Variants in PCDHA11 observed in about 807,000 individuals in gnomAD.
PCDHA11 encodes protocadherin alpha 11.
PCDHA11 carries 61 observed loss-of-function variants against 70.3 expected under a neutral mutation model. The ratio of observed to expected loss-of-function variants is 0.87; its 90% CI spans 0.71 to 1.07. The LOEUF is 1.07. PCDHA11 is among the 50% of genes least tolerant of loss of function. PCDHA11 has a pLI of 0.00. For missense variants in PCDHA11, 1,324 were observed against 1,237.5 expected, an observed-to-expected ratio of 1.07 and a Z score of -1.05; for synonymous variants, 633 against 555.1, an observed-to-expected ratio of 1.14 and a Z score of -1.97.
chr5:140,870,013 A>C lies in PCDHA11; in HGVS notation c.910A>C (p.Asn304His). The C allele has an allele frequency of 6.2e-7, 1 of 1,613,716 alleles. No individual in the cohort carries two copies. The highest frequency in any genetic ancestry group is 8.5e-7 in the Non-Finnish European group (1 of 1,179,862). ...TCAAAATAATGGAGAAGTGAGGGTC[A>C]ATGGAACTTTAGATTATGAAGAAAA... ...LDQNNGEVRV[N>H]GTLDYEENKF... The change falls in exon 1 of 4, where the codon AAT (asparagine) becomes CAT (histidine). Residue 304 changes from asparagine (N) to histidine (H), a missense_variant. Asn to His is a moderately conservative substitution (Grantham distance 68). Coordinates refer to ENST00000398640, the MANE Select transcript of PCDHA11 (RefSeq NM_018902.5).
chr5:140,871,269 G>T lies in PCDHA11; in HGVS notation c.2166G>T (p.Trp722Cys). Residue 722 changes from tryptophan (W) to cysteine (C), a missense_variant, in exon 1 of 4, where the codon TGG (tryptophan) becomes TGT (cysteine). Coordinates refer to ENST00000398640, the MANE Select transcript of PCDHA11 (RefSeq NM_018902.5). ...LTLLLYTALW[W>C]SATPTEGACA... ...TGCTGCTGTATACGGCGCTGTGGTGGTCGGCAACGCCCACTGAGGGCGCGT... is the reference window on the plus strand; with the variant it reads ...TGCTGCTGTATACGGCGCTGTGGTGTTCGGCAACGCCCACTGAGGGCGCGT... The T allele has an allele frequency of 1.9e-6, 3 of 1,613,952 alleles. No individual in the cohort carries two copies. The highest frequency in any genetic ancestry group is 2.5e-6 in the Non-Finnish European group (3 of 1,179,928).
At chr5:140,982,353 C>G (rs2096979519) in intron 2 of PCDHA11, 122 bp from the exon 3 acceptor site, 1 of 1,509,284 alleles carries the variant, frequency 6.6e-7, no homozygotes, top group East Asian at 2.4e-5. Flanking sequence ...TCAGTTCAAG[C>G]ATGAGCAGAA....
chr5:140,972,583 T>G (rs1445659828), intron 1 of PCDHA11, among the ~76,000 whole-genome samples: 1 of 152,088 alleles, frequency 6.6e-6, no homozygotes, highest in African/African-American at 2.4e-5. Flanking sequence ...TAGGGCAGAA[T>G]TTCTCTTTGG....
intron 1 of PCDHA11, among the ~76,000 whole-genome samples, chr5:140,913,111 T>C (rs2076211610): frequency 6.6e-6 from 1 of 152,194 alleles, no homozygotes; most frequent in Non-Finnish European, 1.5e-5. Context: ...TAGAATCAGT[T>C]TGGAAGTTAA....
At chr5:140,891,025 T>G (rs1554184622) in intron 1 of PCDHA11, among the ~76,000 whole-genome samples, 1 of 151,814 alleles carries the variant, frequency 6.6e-6, no homozygotes, top group African/African-American at 2.4e-5. Flanking sequence ...TCTGAGGGTA[T>G]AATCTTAGGT....
chr5:140,888,748 T>C (rs782271029), intron 1 of PCDHA11, among the ~76,000 whole-genome samples: 13 of 152,122 alleles, frequency 8.5e-5, no homozygotes, highest in Admixed American at 7.9e-4. Flanking sequence ...GGAATTATTC[T>C]ACCCACTTTT....
At chr5:140,940,349 C>T (rs1437069133) in intron 1 of PCDHA11, among the ~76,000 whole-genome samples, 14 of 152,156 alleles carry the variant, frequency 9.2e-5, no homozygotes, top group African/African-American at 2.9e-4. Flanking sequence ...GTGTGTCCAA[C>T]ATGCTATTAA....
At position 140,870,941 on chromosome 5, in the gene PCDHA11, C is replaced by T; in HGVS notation, c.1838C>T (p.Ala613Val). ...NAWLSYELQPAAGGSRIPFRV... is the reference protein window; with the variant it reads ...NAWLSYELQPVAGGSRIPFRV... ...TGGCTTTCATATGAATTGCAGCCGG[C>T]GGCGGGCGGCTCGCGCATCCCGTTC... The change falls in exon 1 of 4, where the codon GCG (alanine) becomes GTG (valine). Residue 613 changes from alanine to valine, a missense_variant. Transcript: ENST00000398640. 1 of 1,613,712 alleles carries T rather than the reference C, an allele frequency of 6.2e-7. No homozygotes were observed. The highest frequency in any genetic ancestry group is 8.5e-7 in the Non-Finnish European group (1 of 1,179,894).
intron 1 of PCDHA11, among the ~76,000 whole-genome samples, chr5:140,937,927 A>T (rs1376744977): frequency 1.3e-5 from 2 of 149,332 alleles, no homozygotes; most frequent in East Asian, 2.0e-4. Context: ...AAAAAAAAAA[A>T]GTTTAATTTG....
At chr5:140,953,333 G>T (rs1164031991) in intron 1 of PCDHA11, among the ~76,000 whole-genome samples, 1 of 151,962 alleles carries the variant, frequency 6.6e-6, no homozygotes, top group East Asian at 1.9e-4. Flanking sequence ...TAGAATTTAG[G>T]GCTCACCTTC....
intron 1 of PCDHA11, among the ~76,000 whole-genome samples, chr5:140,946,255 A>C (rs1554217419): frequency 6.6e-6 from 1 of 152,084 alleles, no homozygotes; most frequent in Non-Finnish European, 1.5e-5. Context: ...GAATCATCAG[A>C]AAAATGCGAA....
chr5:140,967,385 C>G (rs2096135382), intron 1 of PCDHA11: 1 of 1,608,920 alleles, frequency 6.2e-7, no homozygotes, highest in African/African-American at 1.3e-5. Flanking sequence ...CAGTAAAGTG[C>G]TTGAGCTGGT....
At chr5:140,886,436 T>A (rs1434592910) in intron 1 of PCDHA11, among the ~76,000 whole-genome samples, 2 of 152,158 alleles carry the variant, frequency 1.3e-5, no homozygotes, top group African/African-American at 4.8e-5. Context: ...TATTCATTTG[T>A]TTGTACTAAT....
intron 1 of PCDHA11, chr5:140,876,061 C>G (rs782151232): frequency 6.2e-7 from 1 of 1,613,778 alleles, no homozygotes; most frequent in Non-Finnish European, 8.5e-7. Context: ...ATTAGTTCTT[C>G]GGAAGTTATT....
At chr5:140,969,436 A>G (rs1289383219) in intron 1 of PCDHA11, 2 of 1,549,954 alleles carry the variant, frequency 1.3e-6, no homozygotes, top group Non-Finnish European at 1.7e-6. Flanking sequence ...GACAAGAGTT[A>G]TCTGGTAAAC....
intron 3 of PCDHA11, among the ~76,000 whole-genome samples, chr5:140,995,774 G>A (rs2097697505): frequency 1.3e-5 from 2 of 151,968 alleles, no homozygotes; most frequent in Admixed American, 1.3e-4. Context: ...GAGAGTGAAG[G>A]GCAGGTTTAA....
chr5:140,882,299 C>T (rs781797969), intron 1 of PCDHA11: 33 of 1,613,690 alleles, frequency 2.0e-5, no homozygotes, highest in Non-Finnish European at 2.7e-5. Flanking sequence ...AGGCCCAAGA[C>T]CGCGGCAACT....
At chr5:140,885,486 T>C (rs1420709904) in intron 1 of PCDHA11, among the ~76,000 whole-genome samples, 2 of 152,188 alleles carry the variant, frequency 1.3e-5, no homozygotes, top group Non-Finnish European at 2.9e-5. Context: ...TGTCAAGTGT[T>C]CTGTTATCTT....
At chr5:140,969,661 G>A (rs2096351521) in intron 1 of PCDHA11, among the ~76,000 whole-genome samples, 2 of 152,166 alleles carry the variant, frequency 1.3e-5, no homozygotes, top group Non-Finnish European at 2.9e-5. Context: ...GTTTTAGGGA[G>A]TAATGTTATG....
Sources: allele counts gnomAD v4.1 joint callset (sites outside exome capture counted in the v4.1 genomes callset), GRCh38; gene constraint gnomAD v4.1.1; transcripts MANE v1.5; gene names NCBI Gene and HGNC (gene_info 2026-07-23, HGNC 2026-07-21).